The following RASA1 variants were observed in gnomAD, a reference collection of about 807,000 sequenced individuals.
RASA1 encodes the protein RAS p21 protein activator 1.
A neutral mutation model predicts 132.2 loss-of-function variants in RASA1; 25 were observed. The observed-to-expected ratio is 0.19, with a 90% CI of 0.14 to 0.26. The LOEUF (loss-of-function observed/expected upper bound fraction) is 0.26. Ranked by LOEUF, RASA1 falls within the 10% of genes least tolerant of loss-of-function variation. The pLI is 1.00. For missense variants in RASA1, 964 were observed against 1,299.2 expected, an observed-to-expected ratio of 0.74 and a Z score of 3.97; for synonymous variants, 477 against 449.9, an observed-to-expected ratio of 1.06 and a Z score of -0.76.
chr5:87,365,787 C>T (rs1224620983), intron 11 of RASA1, among the ~76,000 whole-genome samples: 1 of 151,510 alleles, frequency 6.6e-6, no homozygotes, highest in African/African-American at 2.4e-5. Context: ...TACTTTGAAA[C>T]AAAGAAGGTC....
At chr5:87,288,119 CATATATATACCATATATATACACACCAT>C (rs1252243166) in intron 1 of RASA1, among the ~76,000 whole-genome samples, 13 of 127,398 alleles carry the variant, frequency 1.0e-4, no homozygotes, top group South Asian at 2.6e-4. Flanking sequence ...ATACACACAC[CATATATATACCATATATATACACACCAT>C]ATATATATAC....
At chr5:87,299,237 G>T (rs1755254134) in intron 1 of RASA1, among the ~76,000 whole-genome samples, 1 of 152,142 alleles carries the variant, frequency 6.6e-6, no homozygotes, top group Admixed American at 6.5e-5. Flanking sequence ...CGTGTTTTGA[G>T]AAACATAGTA....
chr5:87,332,062 T>G (rs571827168), intron 2 of RASA1, among the ~76,000 whole-genome samples: 1 of 152,244 alleles, frequency 6.6e-6, no homozygotes, highest in African/African-American at 2.4e-5. Context: ...GTACCCTTGG[T>G]TTTTAGATTT....
At position 87,380,571 on chromosome 5, in the gene RASA1, C is replaced by T; in HGVS notation, c.2666C>T (p.Thr889Ile). The T allele has an allele frequency of 6.2e-7, 1 of 1,612,796 alleles. No homozygotes were observed. Among genetic ancestry groups the T allele is most frequent in the Non-Finnish European group, 8.5e-7 (1 of 1,178,960 alleles). The change falls in exon 20 of 25, where the codon ACC becomes ATC. Residue 889 changes from threonine (T) to isoleucine (I), a missense_variant. Transcript: ENST00000274376. The part of the protein sequence containing the change: ...KSVQHKWPTN[T>I]TMRTRVVSGF... ...GTTCAGCATAAGTGGCCTACAAATA[C>T]CACCATGAGAACAAGAGTTGTTAGG...
chr5:87,303,117 T>C (rs1204579093), intron 1 of RASA1, among the ~76,000 whole-genome samples: 1 of 152,186 alleles, frequency 6.6e-6, no homozygotes, highest in Non-Finnish European at 1.5e-5. Context: ...TTCTGTCCCA[T>C]TAGTCTACTT....
At chr5:87,343,240 A>G (rs546727332) in intron 6 of RASA1, among the ~76,000 whole-genome samples, 16 of 152,276 alleles carry the variant, frequency 1.1e-4, no homozygotes, top group African/African-American at 3.6e-4. Context: ...TGATGACTTT[A>G]TCTCTTAAAG....
At chr5:87,369,272 C>T (rs1760751694) in intron 11 of RASA1, among the ~76,000 whole-genome samples, 1 of 152,034 alleles carries the variant, frequency 6.6e-6, no homozygotes, top group South Asian at 2.1e-4. Flanking sequence ...TGAAATAATA[C>T]TAAAGGAAGA....
chr5:87,359,639 A>T (rs965269747), intron 9 of RASA1, among the ~76,000 whole-genome samples: 1 of 152,216 alleles, frequency 6.6e-6, no homozygotes, highest in African/African-American at 2.4e-5. Context: ...ATCACCATTG[A>T]ACTAAAGATT....
At chr5:87,354,081 T>G (rs1205871142) in intron 9 of RASA1, among the ~76,000 whole-genome samples, 1 of 151,874 alleles carries the variant, frequency 6.6e-6, no homozygotes, top group Non-Finnish European at 1.5e-5. Context: ...TGATGTTTCC[T>G]CCTAACAAAT....
At chr5:87,327,794 G>A (rs571112202) in intron 1 of RASA1, among the ~76,000 whole-genome samples, 8 of 152,016 alleles carry the variant, frequency 5.3e-5, no homozygotes, top group South Asian at 2.1e-4. Context: ...GTGAAACCCC[G>A]TCTCTACTAA....
intron 1 of RASA1, among the ~76,000 whole-genome samples, chr5:87,296,201 A>G (rs369396253): frequency 6.6e-6 from 1 of 152,012 alleles, no homozygotes; most frequent in Admixed American, 6.6e-5. Flanking sequence ...CACATTGTCA[A>G]ATAGTACTGT....
At chr5:87,317,244 C>T (rs912957351) in intron 1 of RASA1, among the ~76,000 whole-genome samples, 2 of 152,236 alleles carry the variant, frequency 1.3e-5, no homozygotes, top group East Asian at 1.9e-4. Context: ...TTATTGCAGT[C>T]CTTTTGTTTG....
chr5:87,304,470 C>CT (rs376100899), intron 1 of RASA1, among the ~76,000 whole-genome samples: 2,990 of 143,682 alleles, frequency 0.021, 45 homozygotes, highest in Middle Eastern at 0.036. Context: ...TTATTATACA[C>CT]TTTTTTTTTT....
chr5:87,338,534 A>ATATATATATATATATATATAT (rs1561292504), intron 5 of RASA1, among the ~76,000 whole-genome samples: 13 of 46,106 alleles, frequency 2.8e-4, no homozygotes, highest in East Asian at 7.7e-4. Flanking sequence ...TATATATATA[A>ATATATATATATATATATATAT]AATTTTTTTT....
At chr5:87,308,461 C>G (rs988391470) in intron 1 of RASA1, among the ~76,000 whole-genome samples, 2 of 151,538 alleles carry the variant, frequency 1.3e-5, no homozygotes, top group Non-Finnish European at 2.9e-5. Flanking sequence ...TCTAGCAGTT[C>G]TTGATTGGAG....
At chr5:87,383,852 C>A in intron 21 of RASA1, 72 bp downstream of exon 21, 48 of 1,152,328 alleles carry the variant, frequency 4.2e-5, no homozygotes, top group Non-Finnish European at 5.7e-5. Flanking sequence ...TAAGAATACT[C>A]TTAAATCTTT....
intron 11 of RASA1, among the ~76,000 whole-genome samples, chr5:87,367,996 T>C (rs1760652065): frequency 6.6e-6 from 1 of 152,092 alleles, no homozygotes; most frequent in African/African-American, 2.4e-5. Flanking sequence ...TATCCTTAGG[T>C]TTGTAGTGCT....
At chr5:87,336,450 T>A (rs989130891) in intron 4 of RASA1, among the ~76,000 whole-genome samples, 1 of 152,102 alleles carries the variant, frequency 6.6e-6, no homozygotes, top group Admixed American at 6.5e-5. Flanking sequence ...ATGAGTCTTT[T>A]AAAAAGTTTA....
intron 9 of RASA1, among the ~76,000 whole-genome samples, chr5:87,360,740 C>A (rs958293264): frequency 2.0e-5 from 3 of 152,054 alleles, no homozygotes; most frequent in African/African-American, 7.2e-5. Flanking sequence ...TGAGAAAATT[C>A]AAGTATATCA....
Sources: gnomAD v4.1 joint callset for allele counts (sites outside exome capture counted in the v4.1 genomes callset) on GRCh38, gnomAD v4.1.1 for gene constraint, MANE v1.5 for transcripts, NCBI Gene and HGNC (gene_info 2026-07-23, HGNC 2026-07-21) for gene names.